The following C10orf71 variants were observed in gnomAD, a reference collection of about 807,000 sequenced individuals.
C10orf71 encodes the protein chromosome 10 open reading frame 71, also known as cardiac-enriched FHL2-interacting protein.
For missense variants in C10orf71, 1,869 were observed against 1,804.5 expected, an observed-to-expected ratio of 1.04 and a Z score of -0.65; for synonymous variants, 758 against 726.3, an observed-to-expected ratio of 1.04 and a Z score of -0.70.
upstream of C10orf71, among the ~76,000 whole-genome samples, chr10:49,298,095 G>T (rs1476475835): frequency 6.6e-6 from 1 of 152,238 alleles, no homozygotes; most frequent in Non-Finnish European, 1.5e-5. Context: ...TGTGGCCCTG[G>T]CTGTCAGCCG....
Position 49,325,772 on chromosome 10 carries a change from G to C in C10orf71, c.3227G>C (p.Trp1076Ser). Residue 1076 changes from tryptophan to serine, a missense_variant, in exon 3 of 3, where the codon TGG (tryptophan) becomes TCG (serine). Coordinates refer to ENST00000374144, the MANE Select transcript of C10orf71 (RefSeq NM_001135196.2). ...SACSPAASNIWEESSQAPGGP... is the reference protein window; with the variant it reads ...SACSPAASNISEESSQAPGGP... ...TGCTCCCCTGCTGCCAGCAACATTT[G>C]GGAGGAGTCTTCCCAGGCCCCTGGA... The C allele has an allele frequency of 6.4e-7, 1 of 1,551,498 alleles. No individual in the cohort carries two copies. The highest frequency in any genetic ancestry group is 1.2e-5 in the South Asian group (1 of 84,052).
At chr10:49,301,153 A>T (rs1848722272) in intron 1 of C10orf71, among the ~76,000 whole-genome samples, 1 of 152,106 alleles carries the variant, frequency 6.6e-6, no homozygotes, top group African/African-American at 2.4e-5. Context: ...CGTCTTCCTC[A>T]TTGGCTCTTG....
chr10:49,323,858 A>G lies in C10orf71; in HGVS notation c.1313A>G (p.Asp438Gly). Residue 438 changes from aspartate (D) to glycine (G), a missense_variant, in exon 3 of 3, where the codon GAT (aspartate) becomes GGT (glycine). Transcript: ENST00000374144. ...CCTGTGGAACCCAATGAACATTATGATCCCCCCTTTAACATCAGTAAGCTC... is the reference window on the plus strand; with the variant it reads ...CCTGTGGAACCCAATGAACATTATGGTCCCCCCTTTAACATCAGTAAGCTC... Reference protein sequence around the residue: ...DLPVEPNEHYDPPFNISKLLT... With the variant: ...DLPVEPNEHYGPPFNISKLLT... 3.1e-6 allele frequency: 5 copies of G among 1,613,746 alleles called. No homozygotes were observed. The highest frequency in any genetic ancestry group is 4.2e-6 in the Non-Finnish European group (5 of 1,179,852).
At position 49,324,363 on chromosome 10, in the gene C10orf71, G is replaced by C. The variant is rs972556172; in HGVS notation, c.1818G>C (p.Gly606=). The stretch of plus-strand genomic sequence containing the variant: ...CCAAAGCCCCCTTCTATGTCAATGG[G>C]GAGGCTGCTGAGAGAAGCAGTTATG... ...TIAKAPFYVN[G]EAAERSSYEN... is the part of the protein sequence containing the mutation. Residue 606 remains glycine, a synonymous_variant, in exon 3 of 3, where the codon GGG becomes GGC. Transcript: ENST00000374144. 6.2e-7 allele frequency: 1 copy of C among 1,613,820 alleles called. No individual in the cohort carries two copies. The highest frequency in any genetic ancestry group is 8.5e-7 in the Non-Finnish European group (1 of 1,179,838).
chr10:49,326,484 G>A lies in C10orf71; in HGVS notation c.3939G>A (p.Pro1313=), dbSNP rs1306148903. The part of the protein sequence containing the change: ...ETGKYVKVSI[P]SSEGASPEPP... ...GCAAGTATGTCAAGGTCTCCATCCC[G>A]TCCTCCGAGGGGGCCTCCCCAGAGC... The change falls in exon 3 of 3, where the codon CCG becomes CCA. Residue 1313 remains proline (P), a synonymous_variant. Coordinates refer to ENST00000374144, the MANE Select transcript of C10orf71 (RefSeq NM_001135196.2). The A allele has an allele frequency of 1.9e-6, 3 of 1,550,190 alleles. No individual in the cohort carries two copies. The highest frequency in any genetic ancestry group is 3.3e-4 in the Middle Eastern group (2 of 5,986).
chr10:49,300,998 G>C (rs567479797), intron 1 of C10orf71, among the ~76,000 whole-genome samples: 1 of 152,196 alleles, frequency 6.6e-6, no homozygotes, highest in Non-Finnish European at 1.5e-5. Flanking sequence ...ACAGAAGTAA[G>C]TGTCTTTGTC....
rs1849212938 is a variant in C10orf71, at chr10:49,325,555, A to G, written c.3010A>G (p.Ile1004Val). The G allele has an allele frequency of 6.4e-7, 1 of 1,550,684 alleles. No homozygotes were observed. The highest frequency in any genetic ancestry group is 2.0e-5 in the Admixed American group (1 of 50,962). The change falls in exon 3 of 3, where the codon ATT (isoleucine) becomes GTT (valine). Residue 1004 changes from isoleucine to valine, a missense_variant. By Grantham distance (29) the Ile-to-Val change is conservative. Transcript: ENST00000374144. ...GGCAGCCCCATGGCACATCCCCACC[A>G]TTGCTTTACCCGAGGGTGACATAGA... ...KLAAPWHIPT[I>V]ALPEGDIEDQ...
At chr10:49,314,741 T>C (rs936164848) in intron 1 of C10orf71, among the ~76,000 whole-genome samples, 1 of 152,154 alleles carries the variant, frequency 6.6e-6, no homozygotes, top group African/African-American at 2.4e-5. Flanking sequence ...TATTTAGAGA[T>C]GCAAATGGGC....
chr10:49,301,589 G>C, intron 1 of C10orf71, among the ~76,000 whole-genome samples: 1 of 152,198 alleles, frequency 6.6e-6, no homozygotes, highest in Non-Finnish European at 1.5e-5. Flanking sequence ...CCTGGAAGGG[G>C]CTGCCTGTGG....
At chr10:49,321,060 G>A (rs542849763) in intron 2 of C10orf71, among the ~76,000 whole-genome samples, 2 of 151,912 alleles carry the variant, frequency 1.3e-5, no homozygotes, top group South Asian at 2.1e-4. Flanking sequence ...TATTATTTGT[G>A]TATGTGTGAT....
chr10:49,325,361 G>C lies in C10orf71; in HGVS notation c.2816G>C (p.Gly939Ala). ...CMANEVMEDP[G>A]QGSSMARMEA... ...GCCAACGAGGTCATGGAGGACCCTG[G>C]GCAGGGGTCGAGCATGGCCAGGATG... The change falls in exon 3 of 3, where the codon GGG (glycine) becomes GCG (alanine). Residue 939 changes from glycine to alanine, a missense_variant. Physicochemically the swap from Gly to Ala is moderately conservative, Grantham distance 60. Coordinates refer to ENST00000374144, the MANE Select transcript of C10orf71 (RefSeq NM_001135196.2). 1 of 1,551,742 alleles carries C rather than the reference G, an allele frequency of 6.4e-7. No homozygotes were observed. Among genetic ancestry groups the C allele is most frequent in the South Asian group, 1.2e-5 (1 of 84,062 alleles).
At chr10:49,321,653 T>C (rs1272231074) in intron 2 of C10orf71, among the ~76,000 whole-genome samples, 1 of 152,234 alleles carries the variant, frequency 6.6e-6, no homozygotes, top group Admixed American at 6.5e-5. Context: ...ACTACATCAA[T>C]TTACATTTCC....
intron 1 of C10orf71, among the ~76,000 whole-genome samples, chr10:49,311,162 T>C (rs1848906915): frequency 6.6e-6 from 1 of 152,136 alleles, no homozygotes; most frequent in South Asian, 2.1e-4. Context: ...TGGGTGATTG[T>C]GGTCCCTGAG....
In C10orf71 at chr10:49,326,593, C is replaced by A. The variant is rs1410063486; in HGVS notation, c.4048C>A (p.Arg1350Ser). 1 of 1,550,388 alleles carries A rather than the reference C, an allele frequency of 6.4e-7. No homozygotes were observed. Among genetic ancestry groups the A allele is most frequent in the East Asian group, 2.4e-5 (1 of 40,898 alleles). ...PVPVTALMPLRCSSQLSAPTF... is the reference protein window; with the variant it reads ...PVPVTALMPLSCSSQLSAPTF... ...GCCCGTGACGGCCTTGATGCCGCTGCGCTGCTCCTCTCAGCTCTCCGCGCC... is the reference window on the plus strand; with the variant it reads ...GCCCGTGACGGCCTTGATGCCGCTGAGCTGCTCCTCTCAGCTCTCCGCGCC... The change falls in exon 3 of 3, where the codon CGC (arginine) becomes AGC (serine). Residue 1350 changes from arginine (R) to serine (S), a missense_variant. Physicochemically the swap from Arg to Ser is moderately radical, Grantham distance 110. Transcript: ENST00000374144.
intron 1 of C10orf71, among the ~76,000 whole-genome samples, chr10:49,312,798 G>A (rs1025172666): frequency 2.8e-4 from 43 of 152,252 alleles, no homozygotes; most frequent in African/African-American, 9.9e-4. Context: ...ACCATGGGGG[G>A]AATTTTACAT....
intron 1 of C10orf71, among the ~76,000 whole-genome samples, chr10:49,299,775 ACC>A (rs1848693586): frequency 6.6e-6 from 1 of 151,952 alleles, no homozygotes; most frequent in South Asian, 2.1e-4. Context: ...CAAATGGGTG[ACC>A]CCATGGTCCC....
rs1325872686 is a variant in C10orf71, at chr10:49,324,981, C to G, written c.2436C>G (p.Thr812=). 1 of 1,550,986 alleles carries G rather than the reference C, an allele frequency of 6.4e-7. No homozygotes were observed. The highest frequency in any genetic ancestry group is 8.7e-7 in the Non-Finnish European group (1 of 1,146,580). The change falls in exon 3 of 3, where the codon ACC becomes ACG. Residue 812 remains threonine, a synonymous_variant. Coordinates refer to ENST00000374144, the MANE Select transcript of C10orf71 (RefSeq NM_001135196.2). The stretch of plus-strand genomic sequence containing the variant: ...GGGAAAGTGTGTCTGGAGGAAGAAC[C>G]AGGAAGGCATCAGCAGAGGAAGCTA... ...RERESVSGGR[T]RKASAEEANF...
rs367815049 is a variant in C10orf71 at position 49,319,395 on chromosome 10, G to A, written c.-144-3007G>A. 2.0e-4 allele frequency among the ~76,000 whole-genome samples: 30 copies of A among 151,316 alleles called. No homozygotes were observed. In the South Asian group the frequency reaches 5.2e-3, roughly 26 times the overall value. On this transcript the variant is annotated intron_variant, in intron 2 of 2. Coordinates refer to ENST00000374144, the MANE Select transcript of C10orf71 (RefSeq NM_001135196.2). ...AGTGTTGCAAGGATGTGGAGAAACT[G>A]GAACACTTGCACAATCTTGGTTGAA...
upstream of C10orf71, among the ~76,000 whole-genome samples, chr10:49,297,537 T>C (rs1848658353): frequency 6.6e-6 from 1 of 152,148 alleles, no homozygotes; most frequent in African/African-American, 2.4e-5. Flanking sequence ...GCAAAAATCA[T>C]GGGAAAAAAT....
Sources: gnomAD v4.1 joint callset for allele counts (sites outside exome capture counted in the v4.1 genomes callset) on GRCh38, gnomAD v4.1.1 for gene constraint, MANE v1.5 for transcripts, NCBI Gene and HGNC (gene_info 2026-07-23, HGNC 2026-07-21) for gene names.